Variants in MXRA5 observed in about 807,000 individuals in gnomAD.
The protein encoded by MXRA5 is matrix remodeling associated 5, also known as matrix-remodeling-associated protein 5.
In MXRA5, 41 loss-of-function variants were observed where a neutral mutation model predicts 112.5. The observed-to-expected ratio is 0.36, with a 90% confidence interval of 0.28 to 0.47. The LOEUF (loss-of-function observed/expected upper bound fraction) is 0.47, where lower values mean the gene tolerates loss of function less well. Ranked by LOEUF, MXRA5 falls within the 20% of genes least tolerant of loss-of-function variation. The pLI is 0.99. For synonymous variants in MXRA5, 862 were observed against 900.8 expected, an observed-to-expected ratio of 0.96 and a Z score of 0.77; for missense variants, 2,150 against 2,251.0, an observed-to-expected ratio of 0.96 and a Z score of 0.91.
intron 6 of MXRA5, among the ~76,000 whole-genome samples, chrX:3,315,819 TA>T (rs1271055352): frequency 2.7e-5 from 3 of 110,470 alleles, no homozygotes; most frequent in Non-Finnish European, 5.7e-5. Context: ...AATGTCATAT[TA>T]AAATAAAGCC....
chrX:3,338,220 C>A (rs1921824063), intron 2 of MXRA5, among the ~76,000 whole-genome samples: 1 of 111,604 alleles, frequency 9.0e-6, no homozygotes, highest in Admixed American at 9.6e-5. Context: ...GCACATTTTA[C>A]TTCAAGGGTG....
chrX:3,320,895 C>G lies in MXRA5; in HGVS notation c.4790G>C (p.Gly1597Ala). 8.3e-7 allele frequency: 1 copy of G among 1,211,797 alleles called. No homozygotes were observed. Among genetic ancestry groups the G allele is most frequent in the Non-Finnish European group, 1.1e-6 (1 of 895,585 alleles). ...TAGTTGATGAGAAGCATGAACTCTT[C>G]CATCCTGGCGTTGGCTATCTGGGCC... is the stretch of plus-strand genomic sequence containing the variant. The part of the protein sequence containing the change: ...PRGPDSQRQD[G>A]RVHASHQLTR... Residue 1597 changes from glycine to alanine, a missense_variant, in exon 5 of 7, where the codon GGA (glycine) becomes GCA (alanine). This residue lies in a region of MXRA5 where 1,485 missense variants were observed against 1,471.6 expected (regional missense o/e 1.01). Coordinates refer to ENST00000217939, the MANE Select transcript of MXRA5 (RefSeq NM_015419.4).
intron 2 of MXRA5, among the ~76,000 whole-genome samples, chrX:3,336,615 T>C (rs1041359457): frequency 3.6e-5 from 4 of 111,895 alleles, no homozygotes; most frequent in African/African-American, 1.3e-4. Context: ...TGGAACAAGA[T>C]AGAGATGATG....
chrX:3,317,280 G>T lies in MXRA5; in HGVS notation c.6401C>A (p.Thr2134Lys). ...TGCACGCTGCACGTTCAGCTGCACCGTCCTGCGCGCGGAGCCTACCAGGTT... is the reference window on the plus strand; with the variant it reads ...TGCACGCTGCACGTTCAGCTGCACCTTCCTGCGCGCGGAGCCTACCAGGTT... ...AANLVGSARR[T>K]VQLNVQRAAA... is the part of the protein sequence containing the mutation. Residue 2134 changes from threonine to lysine, a missense_variant, in exon 6 of 7, where the codon ACG (threonine) becomes AAG (lysine). Physicochemically the swap from Thr to Lys is moderately conservative, Grantham distance 78 (BLOSUM62 -1). Transcript: ENST00000217939. 1 of 1,207,344 alleles carries T rather than the reference G, an allele frequency of 8.3e-7. No homozygotes were observed. The highest frequency in any genetic ancestry group is 1.7e-5 in the African/African-American group (1 of 57,987).
At chrX:3,337,197 G>C (rs1382716411) in intron 2 of MXRA5, among the ~76,000 whole-genome samples, 1 of 111,821 alleles carries the variant, frequency 8.9e-6, no homozygotes, top group East Asian at 2.8e-4. Context: ...CATTTTAGAA[G>C]AATATTCCGT....
rs1357010641 is a variant in MXRA5, at chrX:3,309,209, A to T, written c.*507T>A. ...ATATATATCAGTCACTCTGGTTCTA[A>T]ATCCTTATTGGGCAAGCTGGAGTTT... On this transcript the variant is annotated 3_prime_UTR_variant, in exon 7 of 7. Coordinates refer to ENST00000217939, the MANE Select transcript of MXRA5 (RefSeq NM_015419.4). 8.9e-6 allele frequency: 1 copy of T among 112,884 alleles called. No individual in the cohort carries two copies. The highest frequency in any genetic ancestry group is 1.8e-5 in the Non-Finnish European group (1 of 54,181). The allele number at this position is 112,884 out of a possible 1,213,427, so 9.3% of individuals were successfully genotyped here.
At chrX:3,312,455 G>C (rs1413998402) in intron 6 of MXRA5, among the ~76,000 whole-genome samples, 1 of 111,813 alleles carries the variant, frequency 8.9e-6, no homozygotes, top group East Asian at 2.8e-4. Flanking sequence ...GAATAATCCA[G>C]TGAAAAGATT....
chrX:3,337,493 A>G (rs1199278660), intron 2 of MXRA5, among the ~76,000 whole-genome samples: 1 of 111,861 alleles, frequency 8.9e-6, no homozygotes, highest in Admixed American at 9.6e-5. Context: ...CTATCTATCT[A>G]TCTACCTACC....
In MXRA5 at chrX:3,311,190, C is replaced by G. The variant is rs1920986218; in HGVS notation, c.7013G>C (p.Arg2338Thr). 2.5e-6 allele frequency: 3 copies of G among 1,211,976 alleles called. No homozygotes were observed. Among genetic ancestry groups the G allele is most frequent in the Non-Finnish European group, 3.3e-6 (3 of 895,599 alleles). ...GGCGGGCGCTGTCACCACCTTGACTCTGACTCTCATCTCGTCCTTCCCGAC... is the reference window on the plus strand; with the variant it reads ...GGCGGGCGCTGTCACCACCTTGACTGTGACTCTCATCTCGTCCTTCCCGAC... Reference protein sequence around the residue: ...NQVGKDEMRVRVKVVTAPATI... With the variant: ...NQVGKDEMRVTVKVVTAPATI... Residue 2338 changes from arginine (R) to threonine (T), a missense_variant, in exon 7 of 7, where the codon AGA becomes ACA. Arg to Thr is a moderately conservative substitution (Grantham distance 71, BLOSUM62 -1). This residue lies in a region of MXRA5 where 1,485 missense variants were observed against 1,471.6 expected (regional missense o/e 1.01). Coordinates refer to ENST00000217939, the MANE Select transcript of MXRA5 (RefSeq NM_015419.4).
At chrX:3,340,837 A>C (rs1921899053) in intron 2 of MXRA5, among the ~76,000 whole-genome samples, 1 of 103,768 alleles carries the variant, frequency 9.6e-6, no homozygotes, top group East Asian at 3.0e-4. Context: ...CATTAAACAA[A>C]TCACCTCTTT....
chrX:3,329,390 A>AGAAG (rs201106029), intron 4 of MXRA5, among the ~76,000 whole-genome samples: 2 of 88,591 alleles, frequency 2.3e-5, no homozygotes, highest in Admixed American at 2.4e-4. Context: ...GAAGGAGAGA[A>AGAAG]GAAGGAAGGA....
chrX:3,327,153 T>C (rs1231888736), intron 4 of MXRA5, among the ~76,000 whole-genome samples: 2 of 111,192 alleles, frequency 1.8e-5, no homozygotes, highest in Non-Finnish European at 3.8e-5. Flanking sequence ...CCAGTCATAC[T>C]GCTTCATCTA....
intron 2 of MXRA5, among the ~76,000 whole-genome samples, chrX:3,339,602 C>T (rs1405256421): frequency 9.0e-6 from 1 of 111,467 alleles, no homozygotes; most frequent in Non-Finnish European, 1.9e-5. Context: ...AGAGAGCTTG[C>T]AGATGCAGAT....
chrX:3,342,391 A>C (rs973465400), intron 2 of MXRA5, among the ~76,000 whole-genome samples: 3 of 111,842 alleles, frequency 2.7e-5, no homozygotes, highest in African/African-American at 9.7e-5. Context: ...AAACAAAACT[A>C]ATGGGCTTTA....
chrX:3,317,684 C>T lies in MXRA5; in HGVS notation c.5997G>A (p.Glu1999=). ...GGTTTTCGTGCAGGGTGATGCGGCC[C>T]TCCACGGGGGACACAGTTTGCCACA... ...RRVWQTVSPV[E]GRITLHENRT... Residue 1999 remains glutamate, a synonymous_variant, in exon 6 of 7, where the codon GAG becomes GAA. Coordinates refer to ENST00000217939, the MANE Select transcript of MXRA5 (RefSeq NM_015419.4). 1 of 1,202,325 alleles carries T rather than the reference C, an allele frequency of 8.3e-7. No homozygotes were observed. The highest frequency in any genetic ancestry group is 1.8e-5 in the South Asian group (1 of 55,533).
intron 1 of MXRA5, among the ~76,000 whole-genome samples, chrX:3,345,840 C>G (rs1226418501): frequency 8.9e-6 from 1 of 112,991 alleles, no homozygotes; most frequent in Non-Finnish European, 1.9e-5. Flanking sequence ...GAATTACGAG[C>G]TTTCCCGGAA....
chrX:3,325,583 A>T (rs1921439483), intron 4 of MXRA5, among the ~76,000 whole-genome samples: 1 of 104,469 alleles, frequency 9.6e-6, no homozygotes, highest in Non-Finnish European at 1.9e-5. Context: ...ATAAACATAT[A>T]TTGATATATT....
In MXRA5 at chrX:3,321,585, T is replaced by G. The variant is rs1921307149; in HGVS notation, c.4100A>C (p.Glu1367Ala). 5 of 1,208,863 alleles carry G rather than the reference T, an allele frequency of 4.1e-6. No individual in the cohort carries two copies. The highest frequency in any genetic ancestry group is 5.6e-6 in the Non-Finnish European group (5 of 894,666). The change falls in exon 5 of 7, where the codon GAA becomes GCA. Residue 1367 changes from glutamate (E) to alanine (A), a missense_variant. Transcript: ENST00000217939. ...SLVSTMGEFKEESSPVGFPGT... is the reference protein window; with the variant it reads ...SLVSTMGEFKAESSPVGFPGT... Reference sequence around the variant, plus strand: ...TGGAAAGCCTACAGGAGAGGATTCTTCCTTAAATTCTCCCATAGTGGAGAC... The same window carrying G: ...TGGAAAGCCTACAGGAGAGGATTCTGCCTTAAATTCTCCCATAGTGGAGAC...
chrX:3,346,275 A>T (rs1922106090), intron 1 of MXRA5, among the ~76,000 whole-genome samples: 1 of 111,894 alleles, frequency 8.9e-6, no homozygotes. Context: ...AATTAGACCT[A>T]TTCAGTGCAT....
Sources: allele counts gnomAD v4.1 joint callset (sites outside exome capture counted in the v4.1 genomes callset), GRCh38; gene constraint gnomAD v4.1.1; regional missense constraint gnomAD v4.1.1; transcripts MANE v1.5; gene names NCBI Gene and HGNC (gene_info 2026-07-23, HGNC 2026-07-21).